RBFOX1: variants seen among roughly 807,000 people sequenced by gnomAD.
RBFOX1 encodes RNA binding protein fox-1 homolog 1.
In RBFOX1, 8 loss-of-function variants were observed where a neutral mutation model predicts 57.7. The ratio of observed to expected loss-of-function variants is 0.14; its 90% CI spans 0.08 to 0.25. The LOEUF (loss-of-function observed/expected upper bound fraction) is 0.25. Ranked by LOEUF, RBFOX1 falls within the 10% of genes least tolerant of loss-of-function variation. RBFOX1 has a pLI of 1.00. For missense variants in RBFOX1, 611 were observed against 548.5 expected (o/e 1.11, Z -1.14); for synonymous variants, 326 against 222.4 (o/e 1.47, Z -4.15).
At chr16:7,654,850 A>C (rs77365627) in intron 12 of RBFOX1, among the ~76,000 whole-genome samples, 1 of 152,108 alleles carries the variant, frequency 6.6e-6, no homozygotes, top group African/African-American at 2.4e-5. Flanking sequence ...TATGTCCTCT[A>C]TTGGGTAGAG....
chr16:5,364,601 C>G (rs34294205), intron 1 of RBFOX1, among the ~76,000 whole-genome samples: 47,548 of 152,150 alleles, frequency 0.31, 7,773 homozygotes, highest in African/African-American at 0.37. Context: ...AAATCTCTCC[C>G]TAATGAATTT....
intron 4 of RBFOX1, among the ~76,000 whole-genome samples, chr16:7,419,753 C>T (rs868446835): frequency 7.9e-5 from 12 of 152,136 alleles, no homozygotes; most frequent in African/African-American, 1.4e-4. Flanking sequence ...GTTAATTTTC[C>T]GTGGCACCTC....
chr16:5,708,882 C>T (rs985353663), intron 3 of RBFOX1, among the ~76,000 whole-genome samples: 5 of 151,992 alleles, frequency 3.3e-5, no homozygotes, highest in Admixed American at 2.0e-4. Context: ...GAGAATAAAC[C>T]CAATTGTCAT....
chr16:5,624,560 T>C (rs757604), intron 3 of RBFOX1, among the ~76,000 whole-genome samples: 14,953 of 152,222 alleles, frequency 0.098, 2,227 homozygotes, highest in African/African-American at 0.32. Flanking sequence ...CCTGAGTTCC[T>C]GGGATTTCTA....
intron 2 of RBFOX1, chr16:6,483,039 A>G: frequency 1.4e-6 from 1 of 698,518 alleles, no homozygotes; most frequent in Non-Finnish European, 1.8e-6. Flanking sequence ...AGAGAGGGCG[A>G]GCGGCGAGAT....
At chr16:7,597,539 C>T (rs923771025) in intron 9 of RBFOX1, 108 bp downstream of exon 9, 8 of 1,002,278 alleles carry the variant, frequency 8.0e-6, no homozygotes, top group Non-Finnish European at 1.2e-5. Flanking sequence ...GGCATTGACA[C>T]TGTGTTTTTA....
intron 12 of RBFOX1, chr16:7,664,665 A>C: frequency 1.9e-6 from 1 of 537,110 alleles, no homozygotes; most frequent in Non-Finnish European, 3.3e-6. Context: ...TTCTGTACCC[A>C]CTCCTGAGAG....
chr16:6,673,823 G>A (rs1018491371), intron 3 of RBFOX1, among the ~76,000 whole-genome samples: 1 of 152,112 alleles, frequency 6.6e-6, no homozygotes, highest in African/African-American at 2.4e-5. Context: ...GACAGAGAAT[G>A]ATAGCCAAGA....
At chr16:7,238,602 C>G (rs1038408462) in intron 4 of RBFOX1, among the ~76,000 whole-genome samples, 2 of 152,198 alleles carry the variant, frequency 1.3e-5, no homozygotes, top group Non-Finnish European at 2.9e-5. Flanking sequence ...AATTCTGAAT[C>G]TCCAATAAAA....
At chr16:6,729,322 A>G (rs1173656969) in intron 3 of RBFOX1, among the ~76,000 whole-genome samples, 3 of 152,174 alleles carry the variant, frequency 2.0e-5, no homozygotes, top group African/African-American at 7.2e-5. Flanking sequence ...ATTCTACTGT[A>G]TAGCATAGAG....
chr16:7,564,568 A>G (rs1014079653), intron 5 of RBFOX1, among the ~76,000 whole-genome samples: 2 of 147,308 alleles, frequency 1.4e-5, no homozygotes, highest in African/African-American at 4.9e-5. Flanking sequence ...AAAAAAAAAA[A>G]GGCACTCATC....
At chr16:6,242,703 G>A (rs1818962569) in intron 1 of RBFOX1, among the ~76,000 whole-genome samples, 1 of 150,678 alleles carries the variant, frequency 6.6e-6, no homozygotes, top group South Asian at 2.1e-4. Context: ...TCTCCTTCAA[G>A]TATTAGCATT....
intron 2 of RBFOX1, among the ~76,000 whole-genome samples, chr16:6,626,879 T>C (rs1446308495): frequency 6.6e-6 from 1 of 152,234 alleles, no homozygotes; most frequent in African/African-American, 2.4e-5. Flanking sequence ...GTCATAGTTA[T>C]TTTGTGCCAG....
At chr16:7,343,135 C>G (rs2096929721) in intron 4 of RBFOX1, among the ~76,000 whole-genome samples, 1 of 152,146 alleles carries the variant, frequency 6.6e-6, no homozygotes, top group Non-Finnish European at 1.5e-5. Flanking sequence ...CCATGCAGCT[C>G]TGGCACACCG....
chr16:5,775,013 C>T (rs2054100746), intron 3 of RBFOX1, among the ~76,000 whole-genome samples: 2 of 152,156 alleles, frequency 1.3e-5, no homozygotes, highest in African/African-American at 4.8e-5. Flanking sequence ...TTAAGAATGG[C>T]AATCCCCTTC....
At chr16:7,087,196 C>A (rs1020889214) in intron 4 of RBFOX1, among the ~76,000 whole-genome samples, 3 of 152,158 alleles carry the variant, frequency 2.0e-5, no homozygotes, top group Non-Finnish European at 4.4e-5. Context: ...CTTTTCTCTG[C>A]GGCTGGAGCT....
intron 3 of RBFOX1, chr16:5,838,147 A>G (rs990600610): frequency 6.4e-6 from 1 of 155,434 alleles, no homozygotes; most frequent in African/African-American, 2.4e-5. Context: ...AGAATACAAC[A>G]CCAGAATGCT....
At chr16:7,142,776 C>T (rs978170802) in intron 4 of RBFOX1, among the ~76,000 whole-genome samples, 1 of 152,174 alleles carries the variant, frequency 6.6e-6, no homozygotes, top group Non-Finnish European at 1.5e-5. Flanking sequence ...CAATGCCTTA[C>T]ACCGTTCTGA....
intron 4 of RBFOX1, among the ~76,000 whole-genome samples, chr16:7,112,526 A>G (rs1033577948): frequency 6.6e-6 from 1 of 152,046 alleles, no homozygotes; most frequent in African/African-American, 2.4e-5. Context: ...TTCTTTTAAC[A>G]TATATTGTCC....
Sources: allele counts gnomAD v4.1 joint callset (sites outside exome capture counted in the v4.1 genomes callset), GRCh38; gene constraint gnomAD v4.1.1; transcripts MANE v1.5; gene names NCBI Gene and HGNC (gene_info 2026-07-23, HGNC 2026-07-21).